ETV6: variants seen among roughly 807,000 people sequenced by gnomAD.
ETV6 encodes transcription factor ETV6.
A neutral mutation model predicts 51.1 loss-of-function variants in ETV6; 16 were observed. That is an observed-to-expected ratio of 0.31 (90% CI 0.21 to 0.48). The LOEUF (loss-of-function observed/expected upper bound fraction) is 0.48, where lower values mean the gene tolerates loss of function less well. Ranked by LOEUF, ETV6 falls within the 20% of genes least tolerant of loss-of-function variation. The pLI, the probability that ETV6 is intolerant of heterozygous loss-of-function variation, is 0.99. For synonymous variants in ETV6, 240 were observed against 224.1 expected, an observed-to-expected ratio of 1.07 and a Z score of -0.64; for missense variants, 458 against 594.8, an observed-to-expected ratio of 0.77 and a Z score of 2.39.
chr12:11,651,206 T>C (rs1292954974), intron 1 of ETV6, among the ~76,000 whole-genome samples: 1 of 152,250 alleles, frequency 6.6e-6, no homozygotes, highest in Admixed American at 6.5e-5. Flanking sequence ...CTGAAGCTGC[T>C]GAAGTTTGTT....
At chr12:11,651,411 C>G (rs954176210) in intron 1 of ETV6, among the ~76,000 whole-genome samples, 1 of 152,138 alleles carries the variant, frequency 6.6e-6, no homozygotes, top group African/African-American at 2.4e-5. Flanking sequence ...ATTAGAATCA[C>G]ATTTTGGTGT....
At chr12:11,682,645 A>G (rs975316514) in intron 1 of ETV6, among the ~76,000 whole-genome samples, 1 of 152,222 alleles carries the variant, frequency 6.6e-6, no homozygotes, top group African/African-American at 2.4e-5. Context: ...GCCCATGCCT[A>G]TGACCTGAAT....
chr12:11,754,257 A>G (rs1189788766), intron 2 of ETV6, among the ~76,000 whole-genome samples: 1 of 152,224 alleles, frequency 6.6e-6, no homozygotes, highest in Non-Finnish European at 1.5e-5. Context: ...GGGTGCAGAA[A>G]TGAACAAAGC....
chr12:11,845,952 A>G (rs1045953432), intron 3 of ETV6, among the ~76,000 whole-genome samples: 9 of 150,454 alleles, frequency 6.0e-5, no homozygotes, highest in Non-Finnish European at 1.0e-4. Context: ...AGATCACGCC[A>G]TTGCTCTCCA....
intron 7 of ETV6, among the ~76,000 whole-genome samples, chr12:11,890,556 T>A (rs1947271212): frequency 6.6e-6 from 1 of 151,754 alleles, no homozygotes; most frequent in Non-Finnish European, 1.5e-5. Context: ...GCCTCCCAAG[T>A]AGCTAGGACT....
intron 1 of ETV6, among the ~76,000 whole-genome samples, chr12:11,723,093 T>TC (rs1865421755): frequency 6.6e-6 from 1 of 152,160 alleles, no homozygotes; most frequent in South Asian, 2.1e-4. Context: ...TGTGACTGGG[T>TC]AGTTGATAGT....
rs1591729305 is a variant in ETV6 at position 11,863,133 on chromosome 12, C to T, written c.464-6291C>T. Among the ~76,000 whole-genome samples, 2 of 152,184 alleles carry T rather than the reference C, an allele frequency of 1.3e-5. 1 individual carries two copies. Among genetic ancestry groups the T allele is most frequent in the South Asian group, 4.1e-4 (2 of 4,826 alleles). ...AAACTTGATCTTAGCCTTTGCTCTC[C>T]CTGGAAACTTATCGGTCAAAACTTT... On this transcript the variant is annotated intron_variant, in intron 4 of 7. Coordinates refer to ENST00000396373, the MANE Select transcript of ETV6 (RefSeq NM_001987.5).
At chr12:11,750,781 A>C (rs1177500140) in intron 1 of ETV6, 1 of 442,058 alleles carries the variant, frequency 2.3e-6, no homozygotes, top group African/African-American at 2.5e-5. Context: ...TATGTTTCCT[A>C]TATGTGTGGG....
At chr12:11,724,997 T>A (rs1014794617) in intron 1 of ETV6, among the ~76,000 whole-genome samples, 1 of 152,140 alleles carries the variant, frequency 6.6e-6, no homozygotes, top group African/African-American at 2.4e-5. Flanking sequence ...TTGGGAAGTG[T>A]ATAGTTTTAT....
In ETV6 at chr12:11,729,235, G is replaced by A. The variant is rs55845240; in HGVS notation, c.34-23215G>A. On this transcript the variant is annotated intron_variant, in intron 1 of 7. Coordinates refer to ENST00000396373, the MANE Select transcript of ETV6 (RefSeq NM_001987.5). ...GCCAACTGGCCAGGTGTGCCAGTTC[G>A]TGGCCTAGAAGGGGCAGCTGTCAGT... Among the ~76,000 whole-genome samples the A allele has an allele frequency of 1.6e-3, 243 of 152,312 alleles. 2 individuals carry two copies. The highest frequency in any genetic ancestry group is 5.5e-3 in the African/African-American group (230 of 41,554).
intron 1 of ETV6, among the ~76,000 whole-genome samples, chr12:11,658,531 G>T (rs997791219): frequency 1.3e-5 from 2 of 152,156 alleles, no homozygotes; most frequent in South Asian, 4.1e-4. Flanking sequence ...CACTGTCCCC[G>T]GCCCCCGGCC....
chr12:11,862,278 A>C (rs192090094), intron 4 of ETV6, among the ~76,000 whole-genome samples: 2 of 152,174 alleles, frequency 1.3e-5, no homozygotes, highest in East Asian at 3.8e-4. Context: ...GTTCGGTGAC[A>C]TTGGCACATT....
chr12:11,682,741 T>G (rs946883591), intron 1 of ETV6, among the ~76,000 whole-genome samples: 1 of 152,332 alleles, frequency 6.6e-6, no homozygotes. Flanking sequence ...TAATCCATCT[T>G]GAGTTAATTT....
chr12:11,728,448 A>G (rs1865531760), intron 1 of ETV6, among the ~76,000 whole-genome samples: 1 of 150,002 alleles, frequency 6.7e-6, no homozygotes, highest in Non-Finnish European at 1.5e-5. Flanking sequence ...TTCTCGTAAG[A>G]GCACGAACCC....
intron 1 of ETV6, among the ~76,000 whole-genome samples, chr12:11,704,834 A>C (rs1329847254): frequency 6.6e-6 from 1 of 152,136 alleles, no homozygotes. Context: ...TTTAACAAAA[A>C]TTCCTAATAG....
In ETV6 at chr12:11,869,870, A is replaced by ATCAAT; in HGVS notation, c.914_915insTTCAA (p.Leu306SerfsTer12). 6.2e-7 allele frequency: 1 copy of ATCAAT among 1,613,172 alleles called. No homozygotes were observed. On this transcript the variant is annotated frameshift_variant, in exon 5 of 8. Transcript: ENST00000396373. LOFTEE classifies it high-confidence loss of function. The surrounding 1 kb of genome is among the most constrained non-coding windows in gnomAD (Gnocchi z 5.0). ...CGGGCTGCATAGGGAAGGGAAGCCC[A>ATCAAT]TCAACCTCTCTCATCGGGAAGACCT...
chr12:11,701,623 G>A (rs1201344033), intron 1 of ETV6, among the ~76,000 whole-genome samples: 4 of 152,190 alleles, frequency 2.6e-5, no homozygotes, highest in Non-Finnish European at 5.9e-5. Context: ...AGGCAGCTGA[G>A]TAGCAAAACT....
intron 2 of ETV6, among the ~76,000 whole-genome samples, chr12:11,827,600 T>C (rs1362078057): frequency 6.6e-6 from 1 of 152,016 alleles, no homozygotes; most frequent in Non-Finnish European, 1.5e-5. Flanking sequence ...ATTCAGTGAT[T>C]ATCAGGACTG....
At chr12:11,717,452 A>T (rs748861194) in intron 1 of ETV6, among the ~76,000 whole-genome samples, 5 of 152,200 alleles carry the variant, frequency 3.3e-5, no homozygotes, top group Non-Finnish European at 5.9e-5. Flanking sequence ...GCTATGGAAT[A>T]TTCATTTATC....
Sources: allele counts gnomAD v4.1 joint callset (sites outside exome capture counted in the v4.1 genomes callset), GRCh38; gene constraint gnomAD v4.1.1; non-coding constraint Gnocchi (gnomAD v3.1); transcripts MANE v1.5; gene names NCBI Gene and HGNC (gene_info 2026-07-23, HGNC 2026-07-21).